Variants in CDH13 observed in about 807,000 individuals in gnomAD.
The protein encoded by CDH13 is cadherin 13.
A neutral mutation model predicts 63.8 loss-of-function variants in CDH13; 24 were observed. The observed-to-expected ratio is 0.38, with a 90% CI of 0.27 to 0.53. CDH13 has a LOEUF of 0.53. CDH13 is among the 20% of genes least tolerant of loss of function. The probability of loss-of-function intolerance (pLI) is 0.85; values close to 1 mark genes in which losing one functional copy is unlikely to be tolerated. For synonymous variants in CDH13, 503 were observed against 355.3 expected, an observed-to-expected ratio of 1.42 and a Z score of -4.67; for missense variants, 1,049 against 903.1, an observed-to-expected ratio of 1.16 and a Z score of -2.07.
At chr16:83,548,699 A>T (rs1052310635) in intron 7 of CDH13, among the ~76,000 whole-genome samples, 6 of 152,036 alleles carry the variant, frequency 3.9e-5, no homozygotes, top group Non-Finnish European at 4.4e-5. Flanking sequence ...TTTCTTCCTA[A>T]ATTTTCACCA....
At position 82,807,336 on chromosome 16, in the gene CDH13, A is replaced by G. The variant is rs74029052; in HGVS notation, c.46-51026A>G. ...TCGTTGTTTTTCCAGGCAAAAGAAA[A>G]TAGGGTATTTGTTGACTGAAGAAAT... On this transcript the variant is annotated intron_variant, in intron 1 of 13. Coordinates refer to ENST00000567109, the MANE Select transcript of CDH13 (RefSeq NM_001257.5). Among the ~76,000 whole-genome samples the G allele has an allele frequency of 9.3e-3, 1,419 of 152,258 alleles. 19 individuals are homozygous for G. The highest frequency in any genetic ancestry group is 0.032 in the African/African-American group (1,312 of 41,540).
chr16:83,229,142 T>A (rs1032615073), intron 5 of CDH13, among the ~76,000 whole-genome samples: 1 of 152,180 alleles, frequency 6.6e-6, no homozygotes, highest in Non-Finnish European at 1.5e-5. Context: ...CTCAGAGGGT[T>A]CTCAGGAAGG....
chr16:83,101,904 C>T (rs1254590268), intron 3 of CDH13, among the ~76,000 whole-genome samples: 1 of 152,100 alleles, frequency 6.6e-6, no homozygotes, highest in Non-Finnish European at 1.5e-5. Context: ...GAACCAAGGC[C>T]CCAGGATTGT....
intron 7 of CDH13, among the ~76,000 whole-genome samples, chr16:83,512,369 T>TAAATAAATAAAA (rs1167960037): frequency 2.5e-5 from 3 of 118,728 alleles, no homozygotes; most frequent in Non-Finnish European, 3.6e-5. Context: ...AATAAATAAA[T>TAAATAAATAAAA]AAAATAAAAA....
rs141188696 is a variant in CDH13, at chr16:82,995,811, G to T, written c.158-36199G>T. On this transcript the variant is annotated intron_variant, in intron 2 of 13. Coordinates refer to ENST00000567109, the MANE Select transcript of CDH13 (RefSeq NM_001257.5). The stretch of plus-strand genomic sequence containing the variant: ...ATAACTAGATGATAACAGGGATCAC[G>T]CTGCATCCATTGAGGAGAAAGATGA... Among the ~76,000 whole-genome samples, 770 of 152,224 alleles carry T rather than the reference G, an allele frequency of 5.1e-3. 11 individuals carry two copies. Among genetic ancestry groups the T allele is most frequent in the Non-Finnish European group, 3.9e-3 (268 of 68,020 alleles).
chr16:83,004,225 G>C (rs530338099), intron 2 of CDH13, among the ~76,000 whole-genome samples: 45 of 152,266 alleles, frequency 3.0e-4, no homozygotes, highest in African/African-American at 1.0e-3. Context: ...TTTTGTAGGA[G>C]TCAGGGATAA....
chr16:82,843,349 T>C (rs1005210350), intron 1 of CDH13, among the ~76,000 whole-genome samples: 2 of 152,250 alleles, frequency 1.3e-5, no homozygotes, highest in African/African-American at 4.8e-5. Context: ...TTCAAATTCC[T>C]TTTAATTCAG....
In CDH13 at chr16:82,768,864, C is replaced by T. The variant is rs57333430; in HGVS notation, c.46-89498C>T. ...TCAGAAGCAATTCTGTGTCCGCAGG[C>T]TCCCTTTCACACCTTTAATATTTTG... On this transcript the variant is annotated intron_variant, in intron 1 of 13. Transcript: ENST00000567109. Among the ~76,000 whole-genome samples the T allele has an allele frequency of 4.3e-3, 662 of 152,320 alleles. 4 individuals are homozygous for T. The highest frequency in any genetic ancestry group is 0.015 in the African/African-American group (633 of 41,562).
intron 4 of CDH13, among the ~76,000 whole-genome samples, chr16:83,158,801 C>G (rs1171261251): frequency 1.3e-5 from 2 of 152,232 alleles, no homozygotes; most frequent in African/African-American, 2.4e-5. Context: ...GAGAGCAGCA[C>G]TGGCCCATGG....
At chr16:83,517,919 C>T (rs545053680) in intron 7 of CDH13, among the ~76,000 whole-genome samples, 4 of 152,060 alleles carry the variant, frequency 2.6e-5, no homozygotes, top group African/African-American at 4.8e-5. Context: ...ATATTATTAT[C>T]GTTCTCATTT....
chr16:83,711,833 G>A (rs1459527712), intron 10 of CDH13, among the ~76,000 whole-genome samples: 1 of 152,212 alleles, frequency 6.6e-6, no homozygotes, highest in East Asian at 1.9e-4. Flanking sequence ...ATGTTTTTAG[G>A]TGCTTAGTAG....
At chr16:83,079,753 T>G (rs190895908) in intron 3 of CDH13, among the ~76,000 whole-genome samples, 1 of 152,376 alleles carries the variant, frequency 6.6e-6, no homozygotes, top group Admixed American at 6.5e-5. Flanking sequence ...GGATTTTTTA[T>G]GTCAGTCAAG....
rs1396578586 is a variant in CDH13 at position 83,186,117 on chromosome 16, T to TTTATA, written c.484-31224_484-31223insATTAT. Among the ~76,000 whole-genome samples the TTTATA allele has an allele frequency of 8.2e-5, 12 of 145,798 alleles. No individual in the cohort carries two copies. In the Admixed American group the frequency reaches 8.4e-4, roughly 10 times the overall value. On this transcript the variant is annotated intron_variant, in intron 4 of 13. Coordinates refer to ENST00000567109, the MANE Select transcript of CDH13 (RefSeq NM_001257.5). ...TTTATTTTATTTTATTTTATTTTAT[T>TTTATA]TTATTTTATTTTATTTTATTTTATT...
chr16:83,550,080 G>A (rs1474725720), intron 7 of CDH13, among the ~76,000 whole-genome samples: 2 of 152,226 alleles, frequency 1.3e-5, no homozygotes, highest in Admixed American at 6.5e-5. Context: ...GTGCAGGGGT[G>A]ATGACTTGTT....
intron 1 of CDH13, among the ~76,000 whole-genome samples, chr16:82,657,437 G>A (rs970521645): frequency 1.3e-5 from 2 of 152,198 alleles, no homozygotes; most frequent in Non-Finnish European, 2.9e-5. Flanking sequence ...TGAAGAAAAT[G>A]ATAATTCACA....
chr16:82,959,764 C>A (rs1041042831), intron 2 of CDH13, among the ~76,000 whole-genome samples: 6 of 152,182 alleles, frequency 3.9e-5, no homozygotes, highest in African/African-American at 1.4e-4. Flanking sequence ...TACTGCGTGG[C>A]ATGGATGTAC....
chr16:82,802,860 ACT>A (rs1399265571), intron 1 of CDH13, among the ~76,000 whole-genome samples: 4 of 151,880 alleles, frequency 2.6e-5, no homozygotes, highest in African/African-American at 9.7e-5. Context: ...GTCACAAAGG[ACT>A]CTCTGCCACC....
intron 5 of CDH13, among the ~76,000 whole-genome samples, chr16:83,252,408 G>A (rs1025059333): frequency 6.6e-6 from 1 of 151,708 alleles, no homozygotes; most frequent in Non-Finnish European, 1.5e-5. Context: ...AATGCAAATG[G>A]GGAAAATAAG....
At chr16:83,248,347 C>G (rs77852624) in intron 5 of CDH13, among the ~76,000 whole-genome samples, 429 of 152,292 alleles carry the variant, frequency 2.8e-3, no homozygotes, top group Middle Eastern at 0.014. Context: ...GCGGGTCTAT[C>G]TGTTGTTGTT....
Sources: gnomAD v4.1 joint callset for allele counts (sites outside exome capture counted in the v4.1 genomes callset) on GRCh38, gnomAD v4.1.1 for gene constraint, MANE v1.5 for transcripts, NCBI Gene and HGNC (gene_info 2026-07-23, HGNC 2026-07-21) for gene names.